Variants in ADCY1 observed in about 807,000 individuals in gnomAD.
ADCY1 encodes adenylate cyclase type 1.
A neutral mutation model predicts 105.4 loss-of-function variants in ADCY1; 28 were observed. The observed-to-expected ratio is 0.27, with a 90% CI of 0.20 to 0.36. ADCY1 has a LOEUF of 0.36. Among genes scored for constraint, ADCY1 ranks in the 10% least tolerant of loss-of-function variants. The pLI is 1.00. For synonymous variants in ADCY1, 655 were observed against 623.8 expected (o/e 1.05, Z -0.75); for missense variants, 977 against 1,434.2 (o/e 0.68, Z 5.15).
At chr7:45,665,654 A>G (rs1784226362) in intron 8 of ADCY1, among the ~76,000 whole-genome samples, 3 of 152,234 alleles carry the variant, frequency 2.0e-5, no homozygotes, top group Non-Finnish European at 2.9e-5. Flanking sequence ...TAGAAAATCA[A>G]TTTGGGTGTG....
At chr7:45,661,805 G>A (rs554414339) in intron 7 of ADCY1, among the ~76,000 whole-genome samples, 2 of 152,262 alleles carry the variant, frequency 1.3e-5, no homozygotes, top group African/African-American at 4.8e-5. Flanking sequence ...TCAGGATTCC[G>A]AGCATCACGT....
chr7:45,656,986 G>A (rs1335067320), intron 5 of ADCY1, among the ~76,000 whole-genome samples: 2 of 152,256 alleles, frequency 1.3e-5, no homozygotes, highest in Non-Finnish European at 2.9e-5. Flanking sequence ...GAGGCATAGA[G>A]ATGGGCATCG....
intron 8 of ADCY1, among the ~76,000 whole-genome samples, chr7:45,672,928 A>T (rs376980570): frequency 6.6e-5 from 10 of 152,158 alleles, no homozygotes; most frequent in East Asian, 3.9e-4. Context: ...ATTAAGTGTG[A>T]TGTTAGCTAT....
chr7:45,716,978 G>A lies in ADCY1; in HGVS notation c.*2983G>A, dbSNP rs546136428. 6.6e-6 allele frequency: 1 copy of A among 152,560 alleles called. No homozygotes were observed. The highest frequency in any genetic ancestry group is 1.5e-5 in the Non-Finnish European group (1 of 68,266). The allele number at this position is 152,560 out of a possible 1,614,324, so 9.5% of individuals were successfully genotyped here. On this transcript the variant is annotated 3_prime_UTR_variant, in exon 20 of 20. Coordinates refer to ENST00000297323, the MANE Select transcript of ADCY1 (RefSeq NM_021116.4). The stretch of plus-strand genomic sequence containing the variant: ...AAGCCGGGTGTCGCTCACACAACCA[G>A]AAGGAGCTGAGTTTGGCAACAACCC...
At chr7:45,622,786 C>A in intron 4 of ADCY1, 43 bp downstream of exon 4, 1 of 1,504,540 alleles carries the variant, frequency 6.6e-7, no homozygotes, top group Non-Finnish European at 9.1e-7. Flanking sequence ...ATTAGAATTG[C>A]TTCTGGAGTG....
intron 2 of ADCY1, among the ~76,000 whole-genome samples, chr7:45,597,435 G>A (rs1056301988): frequency 7.2e-5 from 11 of 152,190 alleles, no homozygotes; most frequent in African/African-American, 2.4e-4. Flanking sequence ...TAAGCCCTGG[G>A]GAGCACCTCT....
chr7:45,662,418 C>T (rs1795130253), intron 8 of ADCY1, among the ~76,000 whole-genome samples: 1 of 152,216 alleles, frequency 6.6e-6, no homozygotes, highest in South Asian at 2.1e-4. Flanking sequence ...CCTTGGCATT[C>T]TTTGTATTTG....
intron 4 of ADCY1, among the ~76,000 whole-genome samples, chr7:45,645,323 T>C (rs147734889): frequency 5.3e-5 from 8 of 152,120 alleles, no homozygotes; most frequent in East Asian, 1.9e-4. Context: ...TCCTTTTACA[T>C]AGGACTCCTG....
chr7:45,660,679 G>A (rs1307192351), intron 7 of ADCY1, among the ~76,000 whole-genome samples: 1 of 151,718 alleles, frequency 6.6e-6, no homozygotes, highest in Non-Finnish European at 1.5e-5. Context: ...TGAGGGTGCA[G>A]GACTCAGGTG....
chr7:45,641,443 T>G (rs1267767966), intron 4 of ADCY1, among the ~76,000 whole-genome samples: 2 of 152,208 alleles, frequency 1.3e-5, no homozygotes, highest in Non-Finnish European at 2.9e-5. Context: ...TTAGTCTTGT[T>G]TGGTCTCTAC....
At chr7:45,701,184 G>A (rs115009203) in intron 14 of ADCY1, among the ~76,000 whole-genome samples, 86 of 152,270 alleles carry the variant, frequency 5.6e-4, no homozygotes, top group African/African-American at 1.9e-3. Flanking sequence ...TATAGACTGA[G>A]AATTTCAGTG....
Position 45,574,807 on chromosome 7 carries a change from C to T in ADCY1, c.264C>T (p.Pro88=), listed in dbSNP as rs1380696080. 21 of 1,589,190 alleles carry T rather than the reference C, an allele frequency of 1.3e-5. No homozygotes were observed. The highest frequency in any genetic ancestry group is 2.1e-4 in the Middle Eastern group (1 of 4,808). ...AELLGAPGPA[P]GLAKGSHPVH... is the part of the protein sequence containing the mutation. Reference sequence around the variant, plus strand: ...TGCTGGGCGCGCCGGGGCCCGCGCCCGGCCTGGCCAAGGGCTCACACCCGG... The same window carrying T: ...TGCTGGGCGCGCCGGGGCCCGCGCCTGGCCTGGCCAAGGGCTCACACCCGG... Residue 88 remains proline (P), a synonymous_variant, in exon 1 of 20, where the codon CCC becomes CCT. Transcript: ENST00000297323. The surrounding 1 kb of genome is among the most constrained non-coding windows in gnomAD (Gnocchi z 7.0).
intron 4 of ADCY1, among the ~76,000 whole-genome samples, chr7:45,637,781 T>C (rs537816860): frequency 8.5e-5 from 13 of 152,340 alleles, no homozygotes; most frequent in African/African-American, 3.1e-4. Context: ...GGTATGCTGG[T>C]GATGAACTCT....
chr7:45,664,314 GCCTGGATGTCCT>G, intron 8 of ADCY1: 2 of 1,536,174 alleles, frequency 1.3e-6, no homozygotes, highest in Non-Finnish European at 1.7e-6. Context: ...TCACTGAGTG[GCCTGGATGTCCT>G]CCTGGGGTTT....
At chr7:45,657,627 C>T in intron 5 of ADCY1, 100 bp from the exon 6 acceptor site, 2 of 1,286,234 alleles carry the variant, frequency 1.6e-6, no homozygotes, top group Middle Eastern at 2.1e-4. Flanking sequence ...GGACAAGACC[C>T]AGTTTCCCTG....
chr7:45,696,065 C>A (rs975043127), intron 14 of ADCY1, among the ~76,000 whole-genome samples: 4 of 152,206 alleles, frequency 2.6e-5, no homozygotes, highest in African/African-American at 7.2e-5. Flanking sequence ...AACAGCAGAC[C>A]CACCGGACAT....
At chr7:45,617,352 G>A (rs181259554) in intron 3 of ADCY1, among the ~76,000 whole-genome samples, 21 of 152,296 alleles carry the variant, frequency 1.4e-4, no homozygotes, top group East Asian at 3.9e-4. Context: ...AGTTGGGTGC[G>A]GGCTTGTATG....
At chr7:45,696,611 C>A (rs545985333) in intron 14 of ADCY1, among the ~76,000 whole-genome samples, 2 of 152,124 alleles carry the variant, frequency 1.3e-5, no homozygotes, top group Non-Finnish European at 2.9e-5. Flanking sequence ...GCTGGCAACA[C>A]GTGCTCAGGG....
rs549448946 is a variant in ADCY1, at chr7:45,687,755, C to T, written c.2454+1082C>T. Among the ~76,000 whole-genome samples the T allele has an allele frequency of 7.0e-4, 106 of 152,294 alleles. 1 individual carries two copies. The highest frequency in any genetic ancestry group is 2.5e-3 in the African/African-American group (105 of 41,554). On this transcript the variant is annotated intron_variant, in intron 14 of 19. Transcript: ENST00000297323. Reference sequence around the variant, plus strand: ...CACAGGGGCCACTAAAGTAACATGCCAGAGTCGGGCAGCCAGAAGGTGGCT... The same window carrying T: ...CACAGGGGCCACTAAAGTAACATGCTAGAGTCGGGCAGCCAGAAGGTGGCT...
Sources: allele counts gnomAD v4.1 joint callset (sites outside exome capture counted in the v4.1 genomes callset), GRCh38; gene constraint gnomAD v4.1.1; non-coding constraint Gnocchi (gnomAD v3.1); transcripts MANE v1.5; gene names NCBI Gene and HGNC (gene_info 2026-07-23, HGNC 2026-07-21).